Variants in WWOX observed in about 807,000 individuals in gnomAD.
The protein encoded by WWOX is WW domain containing oxidoreductase, also known as WW domain-containing oxidoreductase.
WWOX carries 69 observed loss-of-function variants against 46.2 expected under a neutral mutation model. The ratio of observed to expected loss-of-function variants is 1.49; its 90% CI spans 1.23 to 1.82. The LOEUF (loss-of-function observed/expected upper bound fraction) is 1.82. Ranked by LOEUF, WWOX falls within the 40% of genes most tolerant of loss-of-function variation. The pLI is 0.00. For missense variants in WWOX, 919 were observed against 542.6 expected (o/e 1.69, Z -6.89); for synonymous variants, 359 against 202.6 (o/e 1.77, Z -6.56).
At chr16:78,425,291 C>G (rs576487161) in intron 7 of WWOX, among the ~76,000 whole-genome samples, 1 of 152,236 alleles carries the variant, frequency 6.6e-6, no homozygotes, top group East Asian at 1.9e-4. Context: ...CTTCAAGCTC[C>G]TCATTGATTT....
intron 4 of WWOX, among the ~76,000 whole-genome samples, chr16:78,132,776 C>T (rs917560773): frequency 1.2e-4 from 19 of 152,270 alleles, no homozygotes; most frequent in African/African-American, 3.9e-4. Context: ...TCGATTCTCA[C>T]GTGCTGATGG....
chr16:78,387,987 T>A (rs76547035), intron 6 of WWOX, among the ~76,000 whole-genome samples: 1,950 of 152,022 alleles, frequency 0.013, 40 homozygotes, highest in African/African-American at 0.044. Context: ...AGGGAAGGGA[T>A]CTTAAACCAG....
chr16:78,679,689 T>C (rs1224326905), intron 8 of WWOX, among the ~76,000 whole-genome samples: 3 of 152,206 alleles, frequency 2.0e-5, no homozygotes, highest in African/African-American at 7.2e-5. Context: ...TTCATATAAA[T>C]CATTTGTGAC....
intron 7 of WWOX, among the ~76,000 whole-genome samples, chr16:78,425,738 G>A (rs999234016): frequency 2.0e-5 from 3 of 152,160 alleles, no homozygotes; most frequent in African/African-American, 7.2e-5. Flanking sequence ...CAAAGGCCTT[G>A]CTGGGTGAGG....
intron 8 of WWOX, among the ~76,000 whole-genome samples, chr16:78,668,872 C>T (rs1180054066): frequency 6.6e-6 from 1 of 152,170 alleles, no homozygotes; most frequent in Non-Finnish European, 1.5e-5. Flanking sequence ...CACTTGATAA[C>T]TCCCTGGCAG....
At chr16:78,432,873 C>G in intron 8 of WWOX, 121 bp downstream of exon 8, 14 of 1,492,970 alleles carry the variant, frequency 9.4e-6, no homozygotes, top group Non-Finnish European at 1.3e-5. Context: ...CATTGTCCAG[C>G]CCATCATAAA....
At chr16:79,103,263 G>A (rs186287573) in intron 8 of WWOX, among the ~76,000 whole-genome samples, 7 of 152,168 alleles carry the variant, frequency 4.6e-5, no homozygotes, top group African/African-American at 1.4e-4. Flanking sequence ...TTCTGAAGAG[G>A]CATCTATTAA....
intron 8 of WWOX, among the ~76,000 whole-genome samples, chr16:78,521,955 G>C (rs893096703): frequency 6.6e-6 from 1 of 152,074 alleles, no homozygotes; most frequent in African/African-American, 2.4e-5. Context: ...GTGAGTATTT[G>C]AAGCTCACAG....
intron 5 of WWOX, among the ~76,000 whole-genome samples, chr16:78,272,009 AG>A (rs1387672075): frequency 2.6e-5 from 4 of 152,234 alleles, no homozygotes; most frequent in Admixed American, 2.6e-4. Flanking sequence ...CAGATAAGTC[AG>A]CCAAACTTTT....
At chr16:79,071,339 A>T (rs763292831) in intron 8 of WWOX, among the ~76,000 whole-genome samples, 3 of 152,186 alleles carry the variant, frequency 2.0e-5, no homozygotes, top group Non-Finnish European at 2.9e-5. Context: ...AAGTTGGTGT[A>T]CTTGTTAAAG....
chr16:79,013,685 C>G (rs899875393), intron 8 of WWOX, among the ~76,000 whole-genome samples: 8 of 152,190 alleles, frequency 5.3e-5, no homozygotes, highest in Non-Finnish European at 1.5e-5. Flanking sequence ...CTAATCTACC[C>G]AAGTTGACTT....
At position 79,183,453 on chromosome 16, in the gene WWOX, A is replaced by T. The variant is rs112961788; in HGVS notation, c.1057-28155A>T. 2.6e-3 allele frequency among the ~76,000 whole-genome samples: 395 copies of T among 152,342 alleles called. 1 individual carries two copies. The highest frequency in any genetic ancestry group is 0.014 in the Middle Eastern group (4 of 294). ...TGAGCAGACATAAAAGCTTAGGCTC[A>T]AAGAGATTAAATGTCTTATTTCTGC... On this transcript the variant is annotated intron_variant, in intron 8 of 8. Coordinates refer to ENST00000566780, the MANE Select transcript of WWOX (RefSeq NM_016373.4).
chr16:78,700,787 G>C (rs776800834), intron 8 of WWOX, among the ~76,000 whole-genome samples: 4 of 152,214 alleles, frequency 2.6e-5, no homozygotes, highest in Non-Finnish European at 5.9e-5. Flanking sequence ...GCTTGGCACT[G>C]AGCGGGTGCT....
intron 8 of WWOX, among the ~76,000 whole-genome samples, chr16:78,628,561 A>G (rs1262515346): frequency 6.6e-6 from 1 of 152,216 alleles, no homozygotes; most frequent in East Asian, 1.9e-4. Flanking sequence ...ATGCCTCCCC[A>G]TGCAAGGATA....
At chr16:79,195,057 T>C (rs1177417626) in intron 8 of WWOX, among the ~76,000 whole-genome samples, 1 of 152,126 alleles carries the variant, frequency 6.6e-6, no homozygotes, top group African/African-American at 2.4e-5. Context: ...TATGGTGTGA[T>C]TTGGTCATTC....
intron 8 of WWOX, among the ~76,000 whole-genome samples, chr16:78,984,729 G>C (rs2046750977): frequency 6.6e-6 from 1 of 152,204 alleles, no homozygotes. Context: ...ATACCGTTTA[G>C]TTAGAAGTGG....
chr16:79,143,373 A>G (rs954393178), intron 8 of WWOX, among the ~76,000 whole-genome samples: 2 of 152,174 alleles, frequency 1.3e-5, no homozygotes. Context: ...TATTTCTTGA[A>G]TTTTAACTGT....
At chr16:78,942,222 A>G (rs537261300) in intron 8 of WWOX, among the ~76,000 whole-genome samples, 13 of 152,272 alleles carry the variant, frequency 8.5e-5, no homozygotes, top group African/African-American at 2.4e-4. Context: ...GGTATAGTCA[A>G]TTCCCTTTAA....
At chr16:78,582,121 A>G (rs1233352877) in intron 8 of WWOX, among the ~76,000 whole-genome samples, 1 of 152,190 alleles carries the variant, frequency 6.6e-6, no homozygotes, top group Non-Finnish European at 1.5e-5. Context: ...CTCATTATCT[A>G]TGGGTTTATA....
Sources: gnomAD v4.1 joint callset for allele counts (sites outside exome capture counted in the v4.1 genomes callset) on GRCh38, gnomAD v4.1.1 for gene constraint, MANE v1.5 for transcripts, NCBI Gene and HGNC (gene_info 2026-07-23, HGNC 2026-07-21) for gene names.